Variants in PAX6 observed in about 807,000 individuals in gnomAD.
The protein encoded by PAX6 is paired box 6, also known as paired box protein Pax-6.
PAX6 carries 7 observed loss-of-function variants against 60.7 expected under a neutral mutation model. That is an observed-to-expected ratio of 0.12 (90% CI 0.07 to 0.22). PAX6 has a LOEUF of 0.22. Among genes scored for constraint, PAX6 ranks in the 10% least tolerant of loss-of-function variants. The pLI is 1.00. For missense variants in PAX6, 355 were observed against 555.2 expected (o/e 0.64, Z 3.62); for synonymous variants, 208 against 201.2 (o/e 1.03, Z -0.29).
At chr11:31,806,609 C>G (rs1341157072) in intron 3 of PAX6, 147 bp from the exon 4 acceptor site, 1 of 662,502 alleles carries the variant, frequency 1.5e-6, no homozygotes, top group Non-Finnish European at 2.7e-6. Context: ...ATCTGAGGGT[C>G]ACTCAGCTCT....
At chr11:31,806,078 G>A (rs917991621) in intron 4 of PAX6, 2 of 415,332 alleles carry the variant, frequency 4.8e-6, no homozygotes, top group Middle Eastern at 6.3e-4. Context: ...CCCTCTCTCC[G>A]GGGTCAGAGC....
chr11:31,793,522 G>A lies in PAX6; in HGVS notation c.990C>T (p.Gly330=). Residue 330 remains glycine (G), a synonymous_variant, in exon 12 of 14, where the codon GGC becomes GGT. Transcript: ENST00000640368. Reference sequence around the variant, plus strand: ...TGTTTGTGAGGGCTGTGTCTGTTCGGCCCAACATGGAGCCAGATGTGAAGG... The same window carrying A: ...TGTTTGTGAGGGCTGTGTCTGTTCGACCCAACATGGAGCCAGATGTGAAGG... ...VSSFTSGSML[G]RTDTALTNTY... is the part of the protein sequence containing the mutation. 6.2e-7 allele frequency: 1 copy of A among 1,614,228 alleles called. No individual in the cohort carries two copies. The highest frequency in any genetic ancestry group is 8.5e-7 in the Non-Finnish European group (1 of 1,180,048).
intron 8 of PAX6, among the ~76,000 whole-genome samples, chr11:31,797,626 A>C (rs628224): frequency 2.0e-5 from 3 of 152,010 alleles, no homozygotes; most frequent in Admixed American, 1.3e-4. Flanking sequence ...GAGACAGTTC[A>C]TTACTTTAGA....
At chr11:31,803,853 T>G (rs1418030668) in intron 4 of PAX6, 1 of 152,382 alleles carries the variant, frequency 6.6e-6, no homozygotes. Flanking sequence ...CCTTAGAGAA[T>G]AGGGAGAGGG....
intron 2 of PAX6, chr11:31,810,325 C>T (rs551710872): frequency 6.6e-6 from 1 of 152,370 alleles, no homozygotes; most frequent in African/African-American, 2.4e-5. Context: ...CGAGCAGGTT[C>T]CCTCGGCGCT....
chr11:31,797,358 C>G (rs968772841), intron 8 of PAX6, among the ~76,000 whole-genome samples: 7 of 152,038 alleles, frequency 4.6e-5, no homozygotes, highest in Non-Finnish European at 7.3e-5. Context: ...CATGGAGATT[C>G]ACATTCTTAT....
chr11:31,795,350 G>T (rs960642018), intron 8 of PAX6, among the ~76,000 whole-genome samples: 1 of 152,158 alleles, frequency 6.6e-6, no homozygotes, highest in African/African-American at 2.4e-5. Flanking sequence ...AGAAGTGCTC[G>T]CATTGTTCTG....
At chr11:31,812,302 C>CTGTGTGTGTGTGTGTGTGTGTGTG (rs61627052), upstream of PAX6, 7 of 86,196 alleles carry the variant, frequency 8.1e-5, no homozygotes, top group African/African-American at 3.6e-4. Flanking sequence ...CTCTCTCTCT[C>CTGTGTGTGTGTGTGTGTGTGTGTG]TGTGTGTGTG....
upstream of PAX6, among the ~76,000 whole-genome samples, chr11:31,815,766 A>G (rs1353635185): frequency 2.7e-5 from 3 of 112,040 alleles, no homozygotes; most frequent in South Asian, 7.4e-4. Flanking sequence ...TGTCAGCGCT[A>G]TCTCCAAAAA....
intron 4 of PAX6, chr11:31,806,120 A>C (rs1388639054): frequency 1.1e-5 from 5 of 461,320 alleles, no homozygotes; most frequent in Non-Finnish European, 1.5e-5. Flanking sequence ...TGTGAGTTAC[A>C]GGATTTGGGG....
chr11:31,815,010 CT>C (rs2135441143), upstream of PAX6: 2 of 151,860 alleles, frequency 1.3e-5, no homozygotes, highest in East Asian at 3.9e-4. Flanking sequence ...CTCTCTCTCT[CT>C]CTCTCTCTCT....
At chr11:31,811,471 T>C, upstream of PAX6, 1 of 348,940 alleles carries the variant, frequency 2.9e-6, no homozygotes, top group Non-Finnish European at 5.2e-6. Context: ...GCTCCGCCGG[T>C]GGGTCCCGGC....
intron 8 of PAX6, among the ~76,000 whole-genome samples, chr11:31,798,505 G>C (rs983954354): frequency 6.6e-6 from 1 of 152,198 alleles, no homozygotes; most frequent in African/African-American, 2.4e-5. Context: ...AAAAGTCTGA[G>C]GATTCCCCGG....
At chr11:31,794,899 C>A (rs537965903) in intron 8 of PAX6, 111 bp from the exon 9 acceptor site, 1 of 957,676 alleles carries the variant, frequency 1.0e-6, no homozygotes, top group Non-Finnish European at 1.7e-6. Context: ...ACAGCCTCAC[C>A]AAAACATTCC....
At chr11:31,801,209 A>G (rs1251652083) in intron 7 of PAX6, 5 of 1,244,340 alleles carry the variant, frequency 4.0e-6, no homozygotes, top group Non-Finnish European at 5.3e-6. Flanking sequence ...TAATATTAGG[A>G]TGGAAATGGA....
In PAX6 at chr11:31,802,795, T is replaced by A; in HGVS notation, c.50A>T (p.Asn17Ile). Residue 17 changes from asparagine to isoleucine, a missense_variant, in exon 5 of 14, where the codon AAC (asparagine) becomes ATC (isoleucine). Coordinates refer to ENST00000640368, the MANE Select transcript of PAX6 (RefSeq NM_001368894.2). ...GVNQLGGVFVNGRPLPDSTRQ... is the reference protein window; with the variant it reads ...GVNQLGGVFVIGRPLPDSTRQ... Reference sequence around the variant, plus strand: ...GGTGGAGTCCGGCAGTGGCCGCCCGTTGACAAAGACACCACCGAGCTGATT... The same window carrying A: ...GGTGGAGTCCGGCAGTGGCCGCCCGATGACAAAGACACCACCGAGCTGATT... The A allele has an allele frequency of 6.2e-7, 1 of 1,613,560 alleles. No individual in the cohort carries two copies. Among genetic ancestry groups the A allele is most frequent in the Non-Finnish European group, 8.5e-7 (1 of 1,179,922 alleles).
chr11:31,811,331 C>A, upstream of PAX6: 2 of 398,374 alleles, frequency 5.0e-6, no homozygotes, highest in Non-Finnish European at 8.8e-6. Context: ...GCAAATGCAC[C>A]GCTCGCTCTC....
chr11:31,794,961 C>A lies in PAX6; in HGVS notation c.566-173G>T, dbSNP rs11828164. ...AAAAATACATTTGCGATGTTAGTTA[C>A]CTGACCACCATTTTCTTTGTTTTTA... On this transcript the variant is annotated intron_variant, in intron 8 of 13. Transcript: ENST00000640368. Among the ~76,000 whole-genome samples the A allele has an allele frequency of 8.0e-3, 1,222 of 152,326 alleles. 20 individuals carry two copies. The highest frequency in any genetic ancestry group is 0.028 in the African/African-American group (1,144 of 41,566).
At chr11:31,806,240 C>T (rs886591817) in intron 4 of PAX6, 162 bp downstream of exon 4, 13 of 676,760 alleles carry the variant, frequency 1.9e-5, no homozygotes, top group Non-Finnish European at 3.1e-5. Flanking sequence ...CCTCCCCTCC[C>T]GGGCTGCCGG....
Sources: gnomAD v4.1 joint callset for allele counts (sites outside exome capture counted in the v4.1 genomes callset) on GRCh38, gnomAD v4.1.1 for gene constraint, MANE v1.5 for transcripts, NCBI Gene and HGNC (gene_info 2026-07-23, HGNC 2026-07-21) for gene names.